ARID3B: variants seen among roughly 807,000 people sequenced by gnomAD.
ARID3B encodes the protein AT-rich interactive domain-containing protein 3B.
Under a neutral mutation model 51.9 loss-of-function variants are expected in ARID3B, and 10 were observed. The observed-to-expected ratio is 0.19, with a 90% CI of 0.12 to 0.33. The LOEUF (loss-of-function observed/expected upper bound fraction) is 0.33, where lower values mean the gene tolerates loss of function less well. Ranked by LOEUF, ARID3B falls within the 10% of genes least tolerant of loss-of-function variation. ARID3B has a pLI of 1.00. For missense variants in ARID3B, 483 were observed against 716.3 expected (o/e 0.67, Z 3.72); for synonymous variants, 205 against 279.5 (o/e 0.73, Z 2.66).
chr15:74,558,730 A>G (rs1485397633), intron 2 of ARID3B, among the ~76,000 whole-genome samples: 1 of 152,082 alleles, frequency 6.6e-6, no homozygotes, highest in African/African-American at 2.4e-5. Flanking sequence ...CTGTCCCTTA[A>G]GATGGTTTAT....
At chr15:74,570,842 T>C (rs772116387) in intron 2 of ARID3B, among the ~76,000 whole-genome samples, 98 of 152,246 alleles carry the variant, frequency 6.4e-4, no homozygotes, top group Non-Finnish European at 1.3e-3. Flanking sequence ...ACACCAGATT[T>C]CTGGTGACTG....
chr15:74,579,863 GT>G, intron 4 of ARID3B, among the ~76,000 whole-genome samples: 1 of 139,634 alleles, frequency 7.2e-6, no homozygotes, highest in African/African-American at 2.9e-5. Flanking sequence ...GTGTGTGTGT[GT>G]GTGTGTGTGC....
chr15:74,567,404 A>G (rs1013515740), intron 2 of ARID3B, among the ~76,000 whole-genome samples: 3 of 150,072 alleles, frequency 2.0e-5, no homozygotes, highest in African/African-American at 4.9e-5. Context: ...TGTTTTTCCA[A>G]CTTCATGGTA....
At chr15:74,576,986 C>T (rs959518498) in intron 4 of ARID3B, among the ~76,000 whole-genome samples, 13 of 152,184 alleles carry the variant, frequency 8.5e-5, no homozygotes, top group East Asian at 7.7e-4. Flanking sequence ...GCCCAAAAAG[C>T]GCTTCAGTCT....
intron 4 of ARID3B, among the ~76,000 whole-genome samples, chr15:74,581,850 A>G (rs1344881929): frequency 6.6e-6 from 1 of 152,258 alleles, no homozygotes; most frequent in Non-Finnish European, 1.5e-5. Context: ...TTTGTCCCAA[A>G]GTGAACCAAT....
rs767770247 is a variant in ARID3B, at chr15:74,596,607, C to T, written c.*833C>T. ...CTCTTCAGCCCTCCCCAGTCCTCCC[C>T]AGCCTTCTTCAGCCTTCTTCAGCTC... On this transcript the variant is annotated 3_prime_UTR_variant, in exon 9 of 9. Transcript: ENST00000346246. The T allele has an allele frequency of 3.0e-4, 70 of 233,718 alleles. No individual in the cohort carries two copies. Among genetic ancestry groups the T allele is most frequent in the Admixed American group, 1.9e-3 (33 of 17,798 alleles). The allele number at this position is 233,718 out of a possible 1,614,324, so 14.5% of individuals were successfully genotyped here.
rs1313776636 is a variant in ARID3B at position 74,597,358 on chromosome 15, G to A, written c.*1584G>A. On this transcript the variant is annotated 3_prime_UTR_variant, in exon 9 of 9. Transcript: ENST00000346246. ...GACACCGCGCGTGGCGTGGGTGTGTGTGGCAGCGTGGCTCGCATTCAGTCC... is the reference window on the plus strand; with the variant it reads ...GACACCGCGCGTGGCGTGGGTGTGTATGGCAGCGTGGCTCGCATTCAGTCC... The A allele has an allele frequency of 4.7e-6, 2 of 429,724 alleles. No homozygotes were observed. Among genetic ancestry groups the A allele is most frequent in the African/African-American group, 2.0e-5 (1 of 50,354 alleles). The allele number at this position is 429,724 out of a possible 1,614,324, so 26.6% of individuals were successfully genotyped here. A position where few individuals can be genotyped will look rare whatever the true frequency, so the allele number is the denominator to read the frequency against.
intron 2 of ARID3B, among the ~76,000 whole-genome samples, chr15:74,547,323 T>C (rs1486118772): frequency 6.6e-6 from 1 of 152,146 alleles, no homozygotes; most frequent in Non-Finnish European, 1.5e-5. Flanking sequence ...CATGCCTGGC[T>C]AATTTATTTT....
intron 2 of ARID3B, among the ~76,000 whole-genome samples, chr15:74,546,546 C>T (rs555198009): frequency 1.3e-5 from 2 of 152,306 alleles, no homozygotes; most frequent in Admixed American, 6.5e-5. Context: ...CATGTGCACA[C>T]GTGTGCACCG....
At chr15:74,555,434 A>C (rs1163511472) in intron 2 of ARID3B, among the ~76,000 whole-genome samples, 2 of 151,712 alleles carry the variant, frequency 1.3e-5, no homozygotes, top group African/African-American at 2.4e-5. Flanking sequence ...GGCTCATGTG[A>C]TTCTCCCACC....
rs746187172 is a variant in ARID3B at position 74,597,603 on chromosome 15, G to A, written c.*1829G>A. ...GTGGGCAGAGAAGGGCATCTGGGACGTGGTGCCAGTGAGGAGCCCAGTTGG... is the reference window on the plus strand; with the variant it reads ...GTGGGCAGAGAAGGGCATCTGGGACATGGTGCCAGTGAGGAGCCCAGTTGG... On this transcript the variant is annotated 3_prime_UTR_variant, in exon 9 of 9. Transcript: ENST00000346246. The A allele has an allele frequency of 2.6e-5, 14 of 534,494 alleles. No individual in the cohort carries two copies. The highest frequency in any genetic ancestry group is 2.0e-4 in the South Asian group (13 of 65,138). 33.1% of individuals were successfully genotyped at this position (534,494 alleles called of 1,614,324 possible).
At chr15:74,573,385 A>G in intron 4 of ARID3B, 181 bp downstream of exon 4, 1 of 652,874 alleles carries the variant, frequency 1.5e-6, no homozygotes, top group Non-Finnish European at 2.7e-6. Flanking sequence ...AGGACAGAGA[A>G]GGTGTTGGCA....
chr15:74,586,591 C>T (rs1484720612), intron 4 of ARID3B, among the ~76,000 whole-genome samples: 1 of 152,214 alleles, frequency 6.6e-6, no homozygotes, highest in Non-Finnish European at 1.5e-5. Flanking sequence ...AAATCTCAGC[C>T]GGGTGCGTGG....
chr15:74,595,830 A>G lies in ARID3B; in HGVS notation c.*56A>G. ...CTCCTGTCGAGAGTGAAGGAAGTTG[A>G]TGCACAGAATTTACCTCATCTCACA... On this transcript the variant is annotated 3_prime_UTR_variant, in exon 9 of 9. Coordinates refer to ENST00000346246, the MANE Select transcript of ARID3B (RefSeq NM_006465.4). 6.4e-7 allele frequency: 1 copy of G among 1,551,110 alleles called. No individual in the cohort carries two copies. Among genetic ancestry groups the G allele is most frequent in the Middle Eastern group, 1.9e-4 (1 of 5,362 alleles).
intron 4 of ARID3B, among the ~76,000 whole-genome samples, chr15:74,587,551 T>A (rs1453365718): frequency 6.6e-6 from 1 of 152,166 alleles, no homozygotes; most frequent in African/African-American, 2.4e-5. Flanking sequence ...CGTGTGAAGA[T>A]GCCCTAGGAG....
chr15:74,579,146 G>A (rs1596260798), intron 4 of ARID3B, among the ~76,000 whole-genome samples: 1 of 152,140 alleles, frequency 6.6e-6, no homozygotes, highest in South Asian at 2.1e-4. Context: ...AGACAGGGAC[G>A]GGCCATAACT....
chr15:74,564,603 T>G (rs949698777), intron 2 of ARID3B, among the ~76,000 whole-genome samples: 23 of 152,140 alleles, frequency 1.5e-4, no homozygotes, highest in Admixed American at 1.5e-3. Context: ...ACGATTTTCT[T>G]TTTCTTTTTC....
At position 74,569,272 on chromosome 15, in the gene ARID3B, G is replaced by A. The variant is rs1269083384; in HGVS notation, c.553-3590G>A. Reference sequence around the variant, plus strand: ...AGGGGGAGGGGAAGACGGAGGAGCTGTGGGGTTGGAGGTCCCACAGGGGAG... The same window carrying A: ...AGGGGGAGGGGAAGACGGAGGAGCTATGGGGTTGGAGGTCCCACAGGGGAG... On this transcript the variant is annotated intron_variant, in intron 2 of 8. Coordinates refer to ENST00000346246, the MANE Select transcript of ARID3B (RefSeq NM_006465.4). Among the ~76,000 whole-genome samples the A allele has an allele frequency of 3.3e-5, 5 of 152,194 alleles. No individual in the cohort carries two copies. The South Asian group carries it at 8.3e-4, about 25-fold the overall frequency.
chr15:74,572,023 C>A (rs548266522), intron 2 of ARID3B, among the ~76,000 whole-genome samples: 1 of 152,140 alleles, frequency 6.6e-6, no homozygotes, highest in Non-Finnish European at 1.5e-5. Flanking sequence ...GCAGGAGAAT[C>A]ACTTGAACCT....
Sources: allele counts gnomAD v4.1 joint callset (sites outside exome capture counted in the v4.1 genomes callset), GRCh38; gene constraint gnomAD v4.1.1; transcripts MANE v1.5; gene names NCBI Gene and HGNC (gene_info 2026-07-23, HGNC 2026-07-21).